Variants in RPA1 observed in about 807,000 individuals in gnomAD.
RPA1 encodes the protein replication protein A1.
RPA1 carries 49 observed loss-of-function variants against 83.0 expected under a neutral mutation model. The observed-to-expected ratio is 0.59, with a 90% CI of 0.47 to 0.75. The LOEUF (loss-of-function observed/expected upper bound fraction) is 0.75, where lower values mean the gene tolerates loss of function less well. Ranked by LOEUF, RPA1 falls within the 30% of genes least tolerant of loss-of-function variation. The pLI is 0.00. For synonymous variants in RPA1, 279 were observed against 281.8 expected, an observed-to-expected ratio of 0.99 and a Z score of 0.10; for missense variants, 693 against 776.1, an observed-to-expected ratio of 0.89 and a Z score of 1.27.
At chr17:1,841,006 G>A (rs1912025389) in intron 1 of RPA1, among the ~76,000 whole-genome samples, 1 of 152,148 alleles carries the variant, frequency 6.6e-6, no homozygotes. Flanking sequence ...ATTAGAGGTT[G>A]CAGTGAGCTG....
intron 5 of RPA1, among the ~76,000 whole-genome samples, chr17:1,868,019 G>T (rs1483969376): frequency 6.6e-6 from 1 of 152,084 alleles, no homozygotes; most frequent in Non-Finnish European, 1.5e-5. Context: ...GGAGGTCAAG[G>T]CCTGCAGTGA....
chr17:1,866,953 G>A (rs1567815430), intron 5 of RPA1, among the ~76,000 whole-genome samples: 1 of 152,192 alleles, frequency 6.6e-6, no homozygotes, highest in Non-Finnish European at 1.5e-5. Flanking sequence ...GTGCATGTAT[G>A]TGTATGCAGT....
At chr17:1,876,345 G>A (rs901431064) in intron 7 of RPA1, among the ~76,000 whole-genome samples, 42 of 152,024 alleles carry the variant, frequency 2.8e-4, no homozygotes, top group African/African-American at 8.9e-4. Context: ...ACCTGAGGTC[G>A]GGAGTTTGAG....
At chr17:1,888,645 C>T (rs371804998) in intron 13 of RPA1, 30 bp from the exon 14 acceptor site, 18 of 1,589,592 alleles carry the variant, frequency 1.1e-5, no homozygotes, top group African/African-American at 9.4e-5. Flanking sequence ...CTCGCGACTC[C>T]GTGCCTCATG....
chr17:1,847,667 A>T (rs546922061), intron 4 of RPA1, among the ~76,000 whole-genome samples: 2 of 152,254 alleles, frequency 1.3e-5, no homozygotes, highest in Admixed American at 1.3e-4. Flanking sequence ...TAGAATTTGT[A>T]TTGTGGGGTC....
intron 7 of RPA1, among the ~76,000 whole-genome samples, chr17:1,876,559 GATAA>G (rs1913580662): frequency 6.6e-6 from 1 of 152,142 alleles, no homozygotes; most frequent in Non-Finnish European, 1.5e-5. Context: ...CGTCTCTCAA[GATAA>G]ATAAACAAAA....
chr17:1,893,760 C>T (rs978537983), intron 15 of RPA1, among the ~76,000 whole-genome samples: 18 of 151,940 alleles, frequency 1.2e-4, no homozygotes, highest in Admixed American at 2.6e-4. Context: ...CTAGCCTTTG[C>T]GCACCTCAAC....
chr17:1,848,931 A>G (rs962530689), intron 4 of RPA1, among the ~76,000 whole-genome samples: 3 of 152,204 alleles, frequency 2.0e-5, no homozygotes, highest in Middle Eastern at 3.4e-3. Flanking sequence ...TCTATTCGTT[A>G]GTTGATGGGC....
intron 13 of RPA1, among the ~76,000 whole-genome samples, chr17:1,885,613 AT>A (rs1247638766): frequency 6.6e-6 from 1 of 151,912 alleles, no homozygotes; most frequent in African/African-American, 2.4e-5. Flanking sequence ...GGCTAATTGT[AT>A]TTTTTGTAGA....
intron 5 of RPA1, among the ~76,000 whole-genome samples, chr17:1,859,971 C>A (rs1039478161): frequency 6.6e-6 from 1 of 152,118 alleles, no homozygotes; most frequent in Non-Finnish European, 1.5e-5. Context: ...CATCACCATG[C>A]TCAGCTGATT....
chr17:1,882,637 C>G (rs17292203), intron 12 of RPA1, among the ~76,000 whole-genome samples: 31,534 of 152,124 alleles, frequency 0.21, 3,410 homozygotes, highest in Admixed American at 0.24. Context: ...CACACTCCAT[C>G]CTGGGTGACA....
chr17:1,852,399 G>C (rs555286615), intron 4 of RPA1, among the ~76,000 whole-genome samples: 1 of 152,186 alleles, frequency 6.6e-6, no homozygotes, highest in Non-Finnish European at 1.5e-5. Flanking sequence ...TGTTTGAGAC[G>C]AGAGCTAAAA....
chr17:1,860,398 T>C (rs954960214), intron 5 of RPA1, among the ~76,000 whole-genome samples: 1 of 152,210 alleles, frequency 6.6e-6, no homozygotes, highest in African/African-American at 2.4e-5. Flanking sequence ...CCTCCTGCCT[T>C]AGCCTCTCAA....
At chr17:1,873,396 T>C (rs1320839066) in intron 6 of RPA1, among the ~76,000 whole-genome samples, 1 of 152,178 alleles carries the variant, frequency 6.6e-6, no homozygotes, top group African/African-American at 2.4e-5. Flanking sequence ...CGTTGAAAAT[T>C]TGGATTTGTA....
intron 5 of RPA1, among the ~76,000 whole-genome samples, chr17:1,871,040 T>TA (rs1318496548): frequency 6.6e-6 from 1 of 152,198 alleles, no homozygotes; most frequent in East Asian, 1.9e-4. Context: ...CTATTGATTT[T>TA]AAAAAAGGTC....
intron 8 of RPA1, 93 bp downstream of exon 8, chr17:1,877,407 C>T: frequency 6.4e-6 from 7 of 1,086,632 alleles, no homozygotes; most frequent in Non-Finnish European, 9.7e-6. Context: ...CGCTGGGAAA[C>T]AGAAGGCTCA....
intron 1 of RPA1, among the ~76,000 whole-genome samples, chr17:1,840,376 T>G (rs1233107506): frequency 6.6e-6 from 1 of 152,028 alleles, no homozygotes; most frequent in Non-Finnish European, 1.5e-5. Context: ...AACCTCCGCC[T>G]CCCAGGTTCA....
At chr17:1,893,125 A>G (rs1222179602) in intron 15 of RPA1, among the ~76,000 whole-genome samples, 1 of 152,192 alleles carries the variant, frequency 6.6e-6, no homozygotes, top group African/African-American at 2.4e-5. Context: ...AGAGCTCTCA[A>G]AATAGTCTCA....
At chr17:1,856,965 TTTTATC>T (rs1912723244) in intron 5 of RPA1, among the ~76,000 whole-genome samples, 2 of 152,152 alleles carry the variant, frequency 1.3e-5, no homozygotes, top group South Asian at 4.1e-4. Context: ...GATTTATGCT[TTTTATC>T]TTTATTTTCT....
Sources: allele counts gnomAD v4.1 joint callset (sites outside exome capture counted in the v4.1 genomes callset), GRCh38; gene constraint gnomAD v4.1.1; transcripts MANE v1.5; gene names NCBI Gene and HGNC (gene_info 2026-07-23, HGNC 2026-07-21).